CD81: variants seen among roughly 807,000 people sequenced by gnomAD.
CD81 encodes the protein CD81 antigen.
Under a neutral mutation model 30.1 loss-of-function variants are expected in CD81, and 10 were observed. The ratio of observed to expected loss-of-function variants is 0.33; its 90% CI spans 0.21 to 0.56. The LOEUF is 0.56. CD81 is among the 20% of genes least tolerant of loss of function. The probability of loss-of-function intolerance (pLI) is 0.89; values close to 1 mark genes in which losing one functional copy is unlikely to be tolerated. For missense variants in CD81, 263 were observed against 308.7 expected, an observed-to-expected ratio of 0.85 and a Z score of 1.11; for synonymous variants, 147 against 126.4, an observed-to-expected ratio of 1.16 and a Z score of -1.10.
At chr11:2,394,746 C>G (rs1369103311) in intron 3 of CD81, 6 of 627,178 alleles carry the variant, frequency 9.6e-6, no homozygotes, top group Non-Finnish European at 1.7e-5. Context: ...CCTGTGGAGC[C>G]TGGTGCCGCG....
chr11:2,377,239 G>C (rs1849608791), upstream of CD81: 1 of 152,514 alleles, frequency 6.6e-6, no homozygotes, highest in Non-Finnish European at 1.5e-5. This position sits in a 1 kb window ranked among gnomAD's most constrained non-coding sequence, Gnocchi z 7.7. Flanking sequence ...GGCGTGAGCT[G>C]GCCGGGGCGG....
Position 2,395,023 on chromosome 11 carries a change from T to C in CD81, c.331T>C (p.Trp111Arg). The change falls in exon 4 of 8, where the codon TGG (tryptophan) becomes CGG (arginine). Residue 111 changes from tryptophan (W) to arginine (R), a missense_variant. Coordinates refer to ENST00000263645, the MANE Select transcript of CD81 (RefSeq NM_004356.4). Reference sequence around the variant, plus strand: ...TGCCTGTGAGGTGGCCGCCGGCATCTGGGGCTTTGTCAACAAGGACCAGGT... The same window carrying C: ...TGCCTGTGAGGTGGCCGCCGGCATCCGGGGCTTTGTCAACAAGGACCAGGT... ...LFACEVAAGI[W>R]GFVNKDQIAK... 1 of 1,609,682 alleles carries C rather than the reference T, an allele frequency of 6.2e-7. No homozygotes were observed. Among genetic ancestry groups the C allele is most frequent in the Non-Finnish European group, 8.5e-7 (1 of 1,178,728 alleles).
Position 2,396,916 on chromosome 11 carries a change from C to A in CD81, c.*50C>A. 6.5e-7 allele frequency: 1 copy of A among 1,546,930 alleles called. No individual in the cohort carries two copies. Among genetic ancestry groups the A allele is most frequent in the Non-Finnish European group, 8.9e-7 (1 of 1,123,040 alleles). ...ACCTCTGCAGTGCCCCCTAAGTGACCCGGACACTTCCGAGGGGGCCATCAC... is the reference window on the plus strand; with the variant it reads ...ACCTCTGCAGTGCCCCCTAAGTGACACGGACACTTCCGAGGGGGCCATCAC... On this transcript the variant is annotated 3_prime_UTR_variant, in exon 8 of 8. Transcript: ENST00000263645.
At chr11:2,388,541 C>T (rs892807101) in intron 1 of CD81, among the ~76,000 whole-genome samples, 1 of 152,230 alleles carries the variant, frequency 6.6e-6, no homozygotes, top group Non-Finnish European at 1.5e-5. Context: ...CTCAGTTTCT[C>T]TTCTGCAGTT....
At chr11:2,393,880 G>A in intron 2 of CD81, 1 of 696,418 alleles carries the variant, frequency 1.4e-6, no homozygotes, top group Non-Finnish European at 2.6e-6. Context: ...GGCCTCCTTA[G>A]TCTCCGTCCT....
Position 2,395,718 on chromosome 11 carries a change from G to A in CD81, c.460-151G>A, listed in dbSNP as rs1849987397. 6 of 758,686 alleles carry A rather than the reference G, an allele frequency of 7.9e-6. No homozygotes were observed. In the Admixed American group the frequency reaches 1.2e-4, roughly 15 times the overall value. 47.0% of individuals were successfully genotyped at this position (758,686 alleles called of 1,614,324 possible). A position where few individuals can be genotyped will look rare whatever the true frequency, so the allele number is the denominator to read the frequency against. The stretch of plus-strand genomic sequence containing the variant: ...TGGCCCAGGGTGCGGAAAGCTCTGA[G>A]CAGCGCAGCTGAGGAGGAAGAAGGC... On this transcript the variant is annotated intron_variant, in intron 5 of 7. Coordinates refer to ENST00000263645, the MANE Select transcript of CD81 (RefSeq NM_004356.4).
chr11:2,386,567 G>A (rs1274798747), intron 1 of CD81: 1 of 717,212 alleles, frequency 1.4e-6, no homozygotes, highest in Admixed American at 2.0e-5. Flanking sequence ...CCAGCTCAAG[G>A]TCCCTGCTGA....
intron 1 of CD81, among the ~76,000 whole-genome samples, chr11:2,381,517 A>G (rs2019938): frequency 0.66 from 100,048 of 152,196 alleles, 34,697 homozygotes; most frequent in Non-Finnish European, 0.8. Context: ...ACAGACCCCA[A>G]AAGATCCCTA....
At chr11:2,388,256 G>A (rs1849831483) in intron 1 of CD81, among the ~76,000 whole-genome samples, 1 of 152,228 alleles carries the variant, frequency 6.6e-6, no homozygotes, top group African/African-American at 2.4e-5. Context: ...GGTCCCGGAG[G>A]AGGGGAGACA....
At chr11:2,383,263 A>G (rs1406077239) in intron 1 of CD81, among the ~76,000 whole-genome samples, 1 of 152,184 alleles carries the variant, frequency 6.6e-6, no homozygotes, top group Non-Finnish European at 1.5e-5. Context: ...CAACGGGGTC[A>G]GAGGGGCAGC....
intron 1 of CD81, among the ~76,000 whole-genome samples, chr11:2,380,762 C>T (rs1468048766): frequency 6.6e-6 from 1 of 152,198 alleles, no homozygotes; most frequent in Non-Finnish European, 1.5e-5. Flanking sequence ...TTGCCTTCCT[C>T]ATCTGTGTAA....
At chr11:2,394,243 G>A in intron 3 of CD81, 51 bp downstream of exon 3, 1 of 1,310,278 alleles carries the variant, frequency 7.6e-7, no homozygotes, top group Non-Finnish European at 1.1e-6. Context: ...GCTGGGGGCT[G>A]CGTCTGGCCC....
At position 2,384,951 on chromosome 11, in the gene CD81, C is replaced by CGG. The variant is rs557460842; in HGVS notation, c.67-5459_67-5458dup. Among the ~76,000 whole-genome samples the CGG allele has an allele frequency of 2.4e-3, 368 of 152,224 alleles. 2 individuals carry two copies. Among genetic ancestry groups the CGG allele is most frequent in the African/African-American group, 8.3e-3 (345 of 41,530 alleles). On this transcript the variant is annotated intron_variant, in intron 1 of 7. Coordinates refer to ENST00000263645, the MANE Select transcript of CD81 (RefSeq NM_004356.4). Reference sequence around the variant, plus strand: ...CTGCCCTCCCTCATCACCGTGAAAGCGGGACTCTCTTTTAACTGACATCGG... The same window carrying CGG: ...CTGCCCTCCCTCATCACCGTGAAAGCGGGGGACTCTCTTTTAACTGACATCGG...
intron 3 of CD81, 51 bp from the exon 4 acceptor site, chr11:2,394,921 C>T (rs371993646): frequency 7.8e-6 from 12 of 1,542,810 alleles, no homozygotes; most frequent in Non-Finnish European, 1.1e-5. Context: ...GTCCTTGGGC[C>T]CCGCCTACAG....
rs552644154 is a variant in CD81 at position 2,381,577 on chromosome 11, G to A, written c.66+3962G>A. 2.0e-5 allele frequency among the ~76,000 whole-genome samples: 3 copies of A among 152,378 alleles called. No individual in the cohort carries two copies. The East Asian group carries it at 5.8e-4, about 29-fold the overall frequency. On this transcript the variant is annotated intron_variant, in intron 1 of 7. Coordinates refer to ENST00000263645, the MANE Select transcript of CD81 (RefSeq NM_004356.4). ...CACCACGGGAAGAGCTTTGCTCATA[G>A]AGTCAATAAGGCTTAGAGTCCAGGC...
chr11:2,390,571 G>A lies in CD81; in HGVS notation c.181+45G>A, dbSNP rs373320630. The A allele has an allele frequency of 3.0e-4, 411 of 1,350,790 alleles. 6 individuals are homozygous for A. The South Asian group carries it at 4.5e-3, about 15-fold the overall frequency. 83.7% of individuals were successfully genotyped at this position (1,350,790 alleles called of 1,614,324 possible). On this transcript the variant is annotated intron_variant, in intron 2 of 7. Transcript: ENST00000263645. Reference sequence around the variant, plus strand: ...CAGACGCATTCAGGGAGGGCTTCTAGGAGGAGGCAGGTCCTAGCCTTTTGG... The same window carrying A: ...CAGACGCATTCAGGGAGGGCTTCTAAGAGGAGGCAGGTCCTAGCCTTTTGG...
chr11:2,397,193 G>C lies in CD81; in HGVS notation c.*327G>C, dbSNP rs933356773. On this transcript the variant is annotated 3_prime_UTR_variant, in exon 8 of 8. Coordinates refer to ENST00000263645, the MANE Select transcript of CD81 (RefSeq NM_004356.4). ...AGCCACTCGCCCAGAGACTCAGCTT[G>C]GCCAACTTGGGGGGCTGTGTCCACC... 1 of 435,798 alleles carries C rather than the reference G, an allele frequency of 2.3e-6. No homozygotes were observed. Among genetic ancestry groups the C allele is most frequent in the African/African-American group, 2.0e-5 (1 of 49,688 alleles). 27.0% of individuals were successfully genotyped at this position (435,798 alleles called of 1,614,324 possible).
intron 1 of CD81, among the ~76,000 whole-genome samples, chr11:2,385,108 A>G (rs982121126): frequency 3.3e-5 from 5 of 152,176 alleles, no homozygotes; most frequent in African/African-American, 9.7e-5. Flanking sequence ...AGTTAGCGCC[A>G]AGATGGCAGC....
intron 1 of CD81, among the ~76,000 whole-genome samples, chr11:2,381,351 G>A (rs1049361144): frequency 1.6e-4 from 24 of 152,200 alleles, no homozygotes; most frequent in Non-Finnish European, 4.4e-5. Context: ...CCCTCCCTGC[G>A]GTCACCAGGG....
Sources: gnomAD v4.1 joint callset for allele counts (sites outside exome capture counted in the v4.1 genomes callset) on GRCh38, gnomAD v4.1.1 for gene constraint, Gnocchi (gnomAD v3.1) non-coding constraint, MANE v1.5 for transcripts, NCBI Gene and HGNC (gene_info 2026-07-23, HGNC 2026-07-21) for gene names.